The following LTBP1 variants were observed in gnomAD, a reference collection of about 807,000 sequenced individuals.
LTBP1 encodes latent transforming growth factor beta binding protein 1.
LTBP1 carries 129 observed loss-of-function variants against 207.6 expected under a neutral mutation model. That is an observed-to-expected ratio of 0.62 (90% CI 0.54 to 0.72). LTBP1 has a LOEUF of 0.72. Among genes scored for constraint, LTBP1 ranks in the 30% least tolerant of loss-of-function variants. LTBP1 has a pLI of 0.00. For synonymous variants in LTBP1, 963 were observed against 833.7 expected, an observed-to-expected ratio of 1.16 and a Z score of -2.67; for missense variants, 2,281 against 2,217.2, an observed-to-expected ratio of 1.03 and a Z score of -0.58.
rs183346953 is a variant in LTBP1, at chr2:33,286,113, T to A, written c.3112+5955T>A. 2.2e-3 allele frequency among the ~76,000 whole-genome samples: 330 copies of A among 152,358 alleles called. 1 individual carries two copies. Among genetic ancestry groups the A allele is most frequent in the African/African-American group, 4.4e-3 (181 of 41,588 alleles). ...TTTTGGGGGTTGTCTTGCTTTGTAG[T>A]TCAGTTTGTGATAGAACTTGAGACC... On this transcript the variant is annotated intron_variant, in intron 19 of 33. Transcript: ENST00000404816.
At chr2:32,986,691 C>A (rs1683638947) in intron 2 of LTBP1, among the ~76,000 whole-genome samples, 1 of 152,164 alleles carries the variant, frequency 6.6e-6, no homozygotes, top group Non-Finnish European at 1.5e-5. Flanking sequence ...ATGAAGCTGG[C>A]CCTGATCAGG....
At chr2:33,370,205 C>T (rs961467173) in intron 31 of LTBP1, among the ~76,000 whole-genome samples, 1 of 152,148 alleles carries the variant, frequency 6.6e-6, no homozygotes, top group African/African-American at 2.4e-5. Context: ...CACTAATAGG[C>T]GTCTCAGATC....
intron 31 of LTBP1, among the ~76,000 whole-genome samples, chr2:33,379,035 T>C (rs1173490811): frequency 3.3e-5 from 5 of 152,060 alleles, no homozygotes; most frequent in African/African-American, 7.2e-5. Flanking sequence ...CATTAGCTCA[T>C]TGGGAGGGCT....
intron 23 of LTBP1, among the ~76,000 whole-genome samples, chr2:33,313,563 G>A (rs2094217647): frequency 6.6e-6 from 1 of 152,174 alleles, no homozygotes; most frequent in Non-Finnish European, 1.5e-5. Context: ...CTGTACTGAA[G>A]ACCTCTTTTG....
chr2:33,190,310 C>A (rs1452634266), intron 7 of LTBP1, among the ~76,000 whole-genome samples: 1 of 152,058 alleles, frequency 6.6e-6, no homozygotes, highest in Non-Finnish European at 1.5e-5. Flanking sequence ...TATTATTCCT[C>A]TGCGATGTCT....
chr2:33,081,129 C>CA (rs57935171), intron 3 of LTBP1, among the ~76,000 whole-genome samples: 113,860 of 151,302 alleles, frequency 0.75, 45,056 homozygotes, highest in East Asian at 0.98. Flanking sequence ...GGGAACTTAG[C>CA]AAAGCCCCTT....
chr2:33,135,011 G>A, intron 5 of LTBP1, 51 bp downstream of exon 5: 1 of 1,511,548 alleles, frequency 6.6e-7, no homozygotes, highest in Non-Finnish European at 8.9e-7. Flanking sequence ...AGTTTTATGA[G>A]ATTGTAGCAT....
At chr2:33,301,779 C>A (rs1485378952) in intron 22 of LTBP1, 135 bp downstream of exon 22, 3 of 709,210 alleles carry the variant, frequency 4.2e-6, no homozygotes, top group Non-Finnish European at 6.4e-6. Flanking sequence ...AAAGTGTCTT[C>A]CCCGGGGTCA....
intron 3 of LTBP1, among the ~76,000 whole-genome samples, chr2:33,087,803 A>G (rs1216381084): frequency 6.6e-6 from 1 of 152,212 alleles, no homozygotes; most frequent in Non-Finnish European, 1.5e-5. Flanking sequence ...GTTTTCGGAA[A>G]TGGAAATGAG....
At chr2:33,300,112 G>A (rs747499639) in intron 20 of LTBP1, among the ~76,000 whole-genome samples, 5 of 152,140 alleles carry the variant, frequency 3.3e-5, no homozygotes, top group African/African-American at 4.8e-5. Context: ...AAACAGGTCT[G>A]CAAACTATCT....
chr2:33,008,961 G>C (rs182629825), intron 2 of LTBP1, among the ~76,000 whole-genome samples: 1 of 152,234 alleles, frequency 6.6e-6, no homozygotes. Flanking sequence ...CAGGGTGACC[G>C]GAGTGTGGCA....
At chr2:33,197,629 G>A (rs1024392047) in intron 7 of LTBP1, among the ~76,000 whole-genome samples, 14 of 152,178 alleles carry the variant, frequency 9.2e-5, no homozygotes, top group African/African-American at 3.4e-4. Context: ...TTCAAAGCTT[G>A]TTTGGCATCT....
chr2:32,973,972 G>A (rs1200455842), intron 2 of LTBP1, among the ~76,000 whole-genome samples: 2 of 152,052 alleles, frequency 1.3e-5, no homozygotes, highest in Admixed American at 6.6e-5. Flanking sequence ...TTGTGTACAC[G>A]TACCACATTT....
chr2:33,218,002 C>A (rs2090842925), intron 8 of LTBP1, among the ~76,000 whole-genome samples: 1 of 152,268 alleles, frequency 6.6e-6, no homozygotes, highest in East Asian at 1.9e-4. Context: ...GTAAAAAGTA[C>A]AGTTGTTATT....
chr2:33,036,786 C>G (rs141696490), intron 3 of LTBP1, among the ~76,000 whole-genome samples: 1 of 152,246 alleles, frequency 6.6e-6, no homozygotes, highest in African/African-American at 2.4e-5. Context: ...TACAAGTCTT[C>G]TGTTGCATAG....
At chr2:33,075,544 A>T (rs1249175495) in intron 3 of LTBP1, among the ~76,000 whole-genome samples, 3 of 152,216 alleles carry the variant, frequency 2.0e-5, no homozygotes, top group Non-Finnish European at 4.4e-5. Flanking sequence ...TATGAGAGTT[A>T]TGCTGGAATT....
chr2:33,116,413 A>G (rs2150331765), intron 4 of LTBP1, among the ~76,000 whole-genome samples: 1 of 152,326 alleles, frequency 6.6e-6, no homozygotes, highest in East Asian at 1.9e-4. Flanking sequence ...GGCAGATGTC[A>G]TGTTTTATAC....
chr2:33,254,868 T>TG lies in LTBP1; in HGVS notation c.2167+2024_2167+2025insG, dbSNP rs1558893409. On this transcript the variant is annotated intron_variant, in intron 11 of 33. Transcript: ENST00000404816. ...CGGTGTTTGGTTTTTTTTTTTTTTT[T>TG]TTTTTTTTTTTTTTTGTATTTTCTA... is the stretch of plus-strand genomic sequence containing the variant. Among the ~76,000 whole-genome samples, 23 of 118,936 alleles carry TG rather than the reference T, an allele frequency of 1.9e-4. 1 individual carries two copies. Among genetic ancestry groups the TG allele is most frequent in the South Asian group, 1.8e-3 (6 of 3,282 alleles). 78.0% of individuals were successfully genotyped at this position (118,936 alleles called of 152,430 possible). A position where few individuals can be genotyped will look rare whatever the true frequency, so the allele number is the denominator to read the frequency against.
At chr2:33,060,029 C>T (rs907184091) in intron 3 of LTBP1, among the ~76,000 whole-genome samples, 2 of 152,152 alleles carry the variant, frequency 1.3e-5, no homozygotes, top group African/African-American at 2.4e-5. Context: ...GTTGTTGGTT[C>T]GGGCAATGTC....
Sources: gnomAD v4.1 joint callset for allele counts (sites outside exome capture counted in the v4.1 genomes callset) on GRCh38, gnomAD v4.1.1 for gene constraint, MANE v1.5 for transcripts, NCBI Gene and HGNC (gene_info 2026-07-23, HGNC 2026-07-21) for gene names.